Variants in FHIT observed in about 807,000 individuals in gnomAD.
FHIT encodes the protein bis(5'-adenosyl)-triphosphatase.
Under a neutral mutation model 17.9 loss-of-function variants are expected in FHIT, and 19 were observed. That is an observed-to-expected ratio of 1.06 (90% confidence interval 0.74 to 1.56). The LOEUF (loss-of-function observed/expected upper bound fraction) is 1.56, where lower values mean the gene tolerates loss of function less well. FHIT is among the 40% of genes most tolerant of loss of function. The pLI, the probability that FHIT is intolerant of heterozygous loss-of-function variation, is 0.00. For missense variants in FHIT, 248 were observed against 189.2 expected (o/e 1.31, Z -1.82); for synonymous variants, 81 against 69.7 (o/e 1.16, Z -0.81).
chr3:61,016,581 G>A (rs2032119201), intron 3 of FHIT, among the ~76,000 whole-genome samples: 1 of 152,164 alleles, frequency 6.6e-6, no homozygotes, highest in African/African-American at 2.4e-5. Context: ...AGCTATCCGG[G>A]TACACCAACA....
chr3:60,564,075 C>A (rs928445008), intron 4 of FHIT, among the ~76,000 whole-genome samples: 1 of 152,142 alleles, frequency 6.6e-6, no homozygotes, highest in Non-Finnish European at 1.5e-5. Flanking sequence ...GGGGCTACTG[C>A]AGATGGTGAC....
intron 3 of FHIT, among the ~76,000 whole-genome samples, chr3:60,921,366 T>G (rs1707269876): frequency 6.6e-6 from 1 of 152,122 alleles, no homozygotes; most frequent in Non-Finnish European, 1.5e-5. Flanking sequence ...TTATTGTAAA[T>G]AAGGCTGGGT....
chr3:60,167,700 A>G (rs1324243451), intron 5 of FHIT, among the ~76,000 whole-genome samples: 5 of 152,224 alleles, frequency 3.3e-5, no homozygotes, highest in African/African-American at 1.2e-4. Context: ...AAAGTGGAGA[A>G]TTGCTCAGAA....
chr3:60,006,982 A>G (rs150580225), intron 7 of FHIT, among the ~76,000 whole-genome samples: 2 of 152,342 alleles, frequency 1.3e-5, no homozygotes, highest in African/African-American at 4.8e-5. Flanking sequence ...AATTTCTAAT[A>G]TCTTAAAAGT....
chr3:60,524,009 T>C (rs1006100409), intron 5 of FHIT, among the ~76,000 whole-genome samples: 1 of 152,228 alleles, frequency 6.6e-6, no homozygotes, highest in East Asian at 1.9e-4. Context: ...ACCGTTGTCC[T>C]CTTTTATCTT....
At chr3:60,536,839 A>G (rs539437683) in intron 5 of FHIT, 21 bp downstream of exon 5, 5 of 771,968 alleles carry the variant, frequency 6.5e-6, no homozygotes, top group Non-Finnish European at 9.1e-6. Context: ...TTCCCTCTCC[A>G]AAAAAAAAAA....
At chr3:60,947,164 T>C (rs782757912) in intron 3 of FHIT, among the ~76,000 whole-genome samples, 2 of 152,162 alleles carry the variant, frequency 1.3e-5, no homozygotes, top group Admixed American at 6.5e-5. Context: ...GAGCATCTAA[T>C]AGCACAATAG....
intron 8 of FHIT, among the ~76,000 whole-genome samples, chr3:59,756,963 T>C (rs554401600): frequency 9.2e-5 from 14 of 152,326 alleles, no homozygotes; most frequent in African/African-American, 3.4e-4. Context: ...GGCAGTGTTT[T>C]TCTTTCTTAG....
chr3:59,919,830 T>C (rs1218179005), intron 8 of FHIT, among the ~76,000 whole-genome samples: 1 of 152,186 alleles, frequency 6.6e-6, no homozygotes, highest in Non-Finnish European at 1.5e-5. Context: ...CCCTCATCAC[T>C]CCATCGCTTC....
chr3:60,019,055 G>C (rs1423515409), intron 5 of FHIT, among the ~76,000 whole-genome samples: 2 of 152,148 alleles, frequency 1.3e-5, no homozygotes, highest in Non-Finnish European at 2.9e-5. Flanking sequence ...TTTTGCTGAG[G>C]GTCTCACCTG....
chr3:60,290,702 T>C (rs1299901598), intron 5 of FHIT, among the ~76,000 whole-genome samples: 1 of 152,176 alleles, frequency 6.6e-6, no homozygotes, highest in Non-Finnish European at 1.5e-5. Context: ...CATTACACTG[T>C]GTCTCCAAAT....
At chr3:60,950,467 T>A (rs577342207) in intron 3 of FHIT, among the ~76,000 whole-genome samples, 3 of 150,578 alleles carry the variant, frequency 2.0e-5, no homozygotes, top group Non-Finnish European at 4.4e-5. Flanking sequence ...AGAAGGCTGC[T>A]AGGTAGGGCT....
chr3:61,200,403 T>C (rs917829286), intron 2 of FHIT, among the ~76,000 whole-genome samples: 2 of 152,220 alleles, frequency 1.3e-5, no homozygotes, highest in Admixed American at 6.5e-5. Flanking sequence ...AAGCATACAA[T>C]TGCATTTGTC....
chr3:59,821,394 C>A (rs1700782740), intron 8 of FHIT, among the ~76,000 whole-genome samples: 2 of 152,172 alleles, frequency 1.3e-5, no homozygotes, highest in South Asian at 4.1e-4. Context: ...TTGTCAGTGT[C>A]CTGTGGTGGC....
chr3:60,564,659 C>T lies in FHIT; in HGVS notation c.-17-27680G>A, dbSNP rs7612282. ...ATCAGTGGTGAAAAAAGCAGGAAAA[C>T]TAGAATTAGAAGTAAAGCCTGAAGA... On this transcript the variant is annotated intron_variant, in intron 4 of 9. Transcript: ENST00000492590. 3.7e-3 allele frequency among the ~76,000 whole-genome samples: 567 copies of T among 152,184 alleles called. 8 individuals carry two copies. Among genetic ancestry groups the T allele is most frequent in the African/African-American group, 0.013 (547 of 41,524 alleles).
intron 4 of FHIT, among the ~76,000 whole-genome samples, chr3:60,792,446 G>T (rs1360291553): frequency 6.6e-6 from 1 of 152,152 alleles, no homozygotes; most frequent in South Asian, 2.1e-4. Context: ...TCTCAATGCA[G>T]TCACACATTC....
At chr3:60,440,939 A>G (rs528804704) in intron 5 of FHIT, among the ~76,000 whole-genome samples, 26 of 152,256 alleles carry the variant, frequency 1.7e-4, no homozygotes, top group Admixed American at 1.4e-3. Context: ...CTGATACTCT[A>G]CCAAATTACA....
intron 5 of FHIT, among the ~76,000 whole-genome samples, chr3:60,110,162 G>T (rs1261484436): frequency 6.6e-6 from 1 of 152,106 alleles, no homozygotes; most frequent in Non-Finnish European, 1.5e-5. Context: ...GGGGGGTTGG[G>T]CTACCTCCAT....
chr3:59,976,065 T>C (rs1220506843), intron 7 of FHIT, among the ~76,000 whole-genome samples: 1 of 152,118 alleles, frequency 6.6e-6, no homozygotes, highest in Non-Finnish European at 1.5e-5. Flanking sequence ...GGACTGACCC[T>C]TAATTTCTTC....
Sources: allele counts gnomAD v4.1 joint callset (sites outside exome capture counted in the v4.1 genomes callset), GRCh38; gene constraint gnomAD v4.1.1; transcripts MANE v1.5; gene names NCBI Gene and HGNC (gene_info 2026-07-23, HGNC 2026-07-21).